The following NID2 variants were observed in gnomAD, a reference collection of about 807,000 sequenced individuals.
NID2 encodes nidogen 2.
In NID2, 83 loss-of-function variants were observed where a neutral mutation model predicts 145.4. The observed-to-expected ratio is 0.57, with a 90% CI of 0.48 to 0.69. NID2 has a LOEUF of 0.69. Ranked by LOEUF, NID2 falls within the 30% of genes least tolerant of loss-of-function variation. The pLI is 0.00. For missense variants in NID2, 1,807 were observed against 1,765.7 expected (o/e 1.02, Z -0.42); for synonymous variants, 739 against 701.3 (o/e 1.05, Z -0.85).
intron 12 of NID2, among the ~76,000 whole-genome samples, chr14:52,022,329 A>G (rs147518842): frequency 1.6e-3 from 240 of 152,314 alleles, no homozygotes; most frequent in African/African-American, 5.4e-3. Context: ...GAGACTGAAG[A>G]TATCACAAGT....
intron 11 of NID2, 92 bp from the exon 12 acceptor site, chr14:52,027,436 C>T (rs1324351079): frequency 6.9e-6 from 8 of 1,167,438 alleles, no homozygotes; most frequent in Non-Finnish European, 9.1e-6. Context: ...CCAACAGCAA[C>T]AGACCAGGGA....
intron 5 of NID2, among the ~76,000 whole-genome samples, chr14:52,048,329 G>A (rs969725949): frequency 6.6e-5 from 10 of 152,196 alleles, no homozygotes; most frequent in African/African-American, 2.4e-4. Context: ...GAGCTAGAAC[G>A]GTGCTGAGCC....
chr14:52,011,135 G>T lies in NID2; in HGVS notation c.3551-88C>A, dbSNP rs958517286. ...CTCCAACGGTCGGGTGGGCAGGGGGGTCAGCAGGGGAAAGCAAAGCCCAAG... is the reference window on the plus strand; with the variant it reads ...CTCCAACGGTCGGGTGGGCAGGGGGTTCAGCAGGGGAAAGCAAAGCCCAAG... On this transcript the variant is annotated intron_variant, in intron 17 of 21. Coordinates refer to ENST00000216286, the MANE Select transcript of NID2 (RefSeq NM_007361.4). The T allele has an allele frequency of 2.8e-5, 37 of 1,317,222 alleles. No individual in the cohort carries two copies. In the African/African-American group the frequency reaches 3.8e-4, roughly 14 times the overall value. The allele number at this position is 1,317,222 out of a possible 1,614,324, so 81.6% of individuals were successfully genotyped here. A position where few individuals can be genotyped will look rare whatever the true frequency, so the allele number is the denominator to read the frequency against.
chr14:52,056,950 T>C (rs1232718553), intron 3 of NID2, among the ~76,000 whole-genome samples: 1 of 152,214 alleles, frequency 6.6e-6, no homozygotes, highest in Non-Finnish European at 1.5e-5. Context: ...ACAAACATTA[T>C]GAACTATATA....
rs925862988 is a variant in NID2 at position 52,005,365 on chromosome 14, T to C, written c.*121A>G. 11 of 907,010 alleles carry C rather than the reference T, an allele frequency of 1.2e-5. No homozygotes were observed. Among genetic ancestry groups the C allele is most frequent in the Non-Finnish European group, 1.7e-5 (11 of 634,812 alleles). 56.2% of individuals were successfully genotyped at this position (907,010 alleles called of 1,614,324 possible). On this transcript the variant is annotated 3_prime_UTR_variant, in exon 22 of 22. Transcript: ENST00000216286. ...CTTTTTGCACTACAAAATGTTCATC[T>C]TGGATGCTCAGGAACGTCTAATGGC...
In NID2 at chr14:52,054,060, A is replaced by G. The variant is rs200159466; in HGVS notation, c.1029T>C (p.Asp343=). The stretch of plus-strand genomic sequence containing the variant: ...TATCCACTTTGGATTGGAAGGAAAC[A>G]TCAATGCTGCTGTGGCCATTCAATG... The part of the protein sequence containing the change: ...EEALNGHSSI[D]VSFQSKVDTK... Residue 343 remains aspartate, a synonymous_variant, in exon 4 of 22, where the codon GAT becomes GAC. Transcript: ENST00000216286. The G allele has an allele frequency of 1.9e-6, 3 of 1,614,188 alleles. No homozygotes were observed. The highest frequency in any genetic ancestry group is 1.1e-5 in the South Asian group (1 of 91,082).
At chr14:52,015,834 T>G (rs1386181049) in intron 14 of NID2, among the ~76,000 whole-genome samples, 1 of 152,192 alleles carries the variant, frequency 6.6e-6, no homozygotes, top group Non-Finnish European at 1.5e-5. Flanking sequence ...AGCGCCACGG[T>G]GCCCTCTGTC....
chr14:52,050,463 A>T (rs1892645962), intron 5 of NID2, among the ~76,000 whole-genome samples: 3 of 152,206 alleles, frequency 2.0e-5, no homozygotes, highest in Admixed American at 1.3e-4. Context: ...ACTCCTGGAC[A>T]GTGCCTTTGA....
intron 2 of NID2, among the ~76,000 whole-genome samples, chr14:52,066,901 G>A (rs1489380047): frequency 6.6e-6 from 1 of 152,188 alleles, no homozygotes; most frequent in Non-Finnish European, 1.5e-5. Context: ...GACTTCAAAT[G>A]TTGATGACAA....
chr14:52,051,565 C>G (rs1234429552), intron 5 of NID2, among the ~76,000 whole-genome samples: 2 of 152,312 alleles, frequency 1.3e-5, no homozygotes, highest in East Asian at 3.9e-4. Context: ...CCACTCCCAC[C>G]CCACAGCTTC....
intron 9 of NID2, among the ~76,000 whole-genome samples, chr14:52,038,280 A>G (rs1892146125): frequency 6.6e-6 from 1 of 152,186 alleles, no homozygotes; most frequent in Non-Finnish European, 1.5e-5. Flanking sequence ...GTTTTTCCAG[A>G]TACTAGCTCT....
chr14:52,013,091 A>G (rs1891091801), intron 16 of NID2, among the ~76,000 whole-genome samples: 1 of 152,262 alleles, frequency 6.6e-6, no homozygotes, highest in Non-Finnish European at 1.5e-5. Flanking sequence ...ATGAGCTTCC[A>G]TTAACCCGGG....
intron 11 of NID2, 148 bp from the exon 12 acceptor site, chr14:52,027,492 G>T: frequency 1.7e-6 from 1 of 595,866 alleles, no homozygotes; most frequent in South Asian, 4.3e-5. Context: ...TTCAGAATCT[G>T]GATTTTAATA....
rs138310578 is a variant in NID2 at position 52,017,704 on chromosome 14, T to TA, written c.3028+1356_3028+1357insT. Among the ~76,000 whole-genome samples, 141 of 152,286 alleles carry TA rather than the reference T, an allele frequency of 9.3e-4. 1 individual carries two copies. The highest frequency in any genetic ancestry group is 3.2e-3 in the African/African-American group (134 of 41,554). ...AGAGAAGGCATGAGGGAAATAGAAT[T>TA]TCTCTGTACCTTTTTTGGACCTTTA... On this transcript the variant is annotated intron_variant, in intron 14 of 21. Transcript: ENST00000216286.
chr14:52,021,530 G>C (rs551334298), intron 12 of NID2, among the ~76,000 whole-genome samples: 1 of 152,172 alleles, frequency 6.6e-6, no homozygotes, highest in Non-Finnish European at 1.5e-5. Context: ...GGCATTAAGC[G>C]TAGGTGTTCT....
intron 5 of NID2, 70 bp from the exon 6 acceptor site, chr14:52,043,001 A>T: frequency 2.7e-6 from 4 of 1,457,684 alleles, no homozygotes; most frequent in Non-Finnish European, 3.8e-6. Flanking sequence ...TCGGGGACAC[A>T]ACATCTGCTC....
chr14:52,042,699 A>G, intron 6 of NID2, 83 bp downstream of exon 6: 1 of 1,412,636 alleles, frequency 7.1e-7, no homozygotes. Context: ...TGTTTGGTCC[A>G]TAAAGCAGAG....
At chr14:52,065,456 CTT>C (rs59908743) in intron 2 of NID2, among the ~76,000 whole-genome samples, 1,702 of 128,654 alleles carry the variant, frequency 0.013, 49 homozygotes, top group African/African-American at 0.046. Flanking sequence ...ATCCTCCTTT[CTT>C]TTTTTTTTTT....
rs1437024006 is a variant in NID2 at position 52,028,841 on chromosome 14, T to C, written c.2411A>G (p.Glu804Gly). The change falls in exon 11 of 22, where the codon GAA (glutamate) becomes GGA (glycine). Residue 804 changes from glutamate (E) to glycine (G), a missense_variant. Coordinates refer to ENST00000216286, the MANE Select transcript of NID2 (RefSeq NM_007361.4). The part of the protein sequence containing the change: ...GDGRNCVDEN[E>G]CATGFHRCGP... ...ACAGCGATGAAAGCCAGTTGCACAT[T>C]CATTTTCATCTAAGAAGAAATGAGA... The C allele has an allele frequency of 6.2e-7, 1 of 1,613,256 alleles. No homozygotes were observed. Among genetic ancestry groups the C allele is most frequent in the South Asian group, 1.1e-5 (1 of 90,756 alleles).
Sources: gnomAD v4.1 joint callset for allele counts (sites outside exome capture counted in the v4.1 genomes callset) on GRCh38, gnomAD v4.1.1 for gene constraint, MANE v1.5 for transcripts, NCBI Gene and HGNC (gene_info 2026-07-23, HGNC 2026-07-21) for gene names.